The following TAFA5 variants were observed in gnomAD, a reference collection of about 807,000 sequenced individuals.
TAFA5 encodes chemokine-like protein TAFA-5.
In TAFA5, 6 loss-of-function variants were observed where a neutral mutation model predicts 15.3. The observed-to-expected ratio is 0.39, with a 90% CI of 0.21 to 0.77. The LOEUF (loss-of-function observed/expected upper bound fraction) is 0.77, where lower values mean the gene tolerates loss of function less well. Ranked by LOEUF, TAFA5 falls within the 30% of genes least tolerant of loss-of-function variation. The pLI is 0.41. For missense variants in TAFA5, 161 were observed against 193.1 expected (o/e 0.83, Z 0.98); for synonymous variants, 103 against 80.7 (o/e 1.28, Z -1.48).
chr22:48,508,468 G>A (rs949465985), intron 1 of TAFA5, among the ~76,000 whole-genome samples: 26 of 152,156 alleles, frequency 1.7e-4, no homozygotes, highest in African/African-American at 5.3e-4. Flanking sequence ...AATGAACGGC[G>A]CCATATGAGG....
chr22:48,516,683 C>A (rs1392041927), intron 1 of TAFA5, among the ~76,000 whole-genome samples: 2 of 152,234 alleles, frequency 1.3e-5, no homozygotes, highest in East Asian at 3.9e-4. Context: ...TGGCTCAGGA[C>A]AGGGGTGGCC....
chr22:48,692,783 C>T (rs1331371797), intron 2 of TAFA5, among the ~76,000 whole-genome samples: 3 of 152,166 alleles, frequency 2.0e-5, no homozygotes, highest in Admixed American at 1.3e-4. Flanking sequence ...ATACGAGGGG[C>T]GTGTTCCCAG....
At chr22:48,637,866 C>G (rs147637952) in intron 1 of TAFA5, among the ~76,000 whole-genome samples, 1 of 152,014 alleles carries the variant, frequency 6.6e-6, no homozygotes, top group Admixed American at 6.6e-5. Context: ...TTTCTCCTTC[C>G]GGTTTATGAA....
At chr22:48,564,865 C>T (rs1040132808) in intron 1 of TAFA5, among the ~76,000 whole-genome samples, 2 of 152,228 alleles carry the variant, frequency 1.3e-5, no homozygotes, top group Non-Finnish European at 2.9e-5. Context: ...TGGGTGCCTT[C>T]GGTGCCACGC....
chr22:48,713,975 G>A (rs1470932390), intron 3 of TAFA5, among the ~76,000 whole-genome samples: 1 of 152,250 alleles, frequency 6.6e-6, no homozygotes, highest in Non-Finnish European at 1.5e-5. Flanking sequence ...CGTGAAGAAG[G>A]AGGTGTCAAC....
At chr22:48,653,535 T>C (rs1076787) in intron 2 of TAFA5, among the ~76,000 whole-genome samples, 98,538 of 152,042 alleles carry the variant, frequency 0.65, 32,686 homozygotes, top group South Asian at 0.77. Flanking sequence ...GGCGTGAGGG[T>C]ACAATGGCAA....
intron 2 of TAFA5, among the ~76,000 whole-genome samples, chr22:48,647,241 A>G (rs375680048): frequency 6.6e-6 from 1 of 152,256 alleles, no homozygotes; most frequent in African/African-American, 2.4e-5. Context: ...CTCTGAGCAC[A>G]TGCAGATGAG....
At chr22:48,509,345 G>A (rs1411590606) in intron 1 of TAFA5, among the ~76,000 whole-genome samples, 1 of 152,176 alleles carries the variant, frequency 6.6e-6, no homozygotes, top group Non-Finnish European at 1.5e-5. Context: ...ATTGCTAGAT[G>A]AGGGCGTAGG....
At position 48,639,172 on chromosome 22, in the gene TAFA5, G is replaced by A. The variant is rs573265274; in HGVS notation, c.113-7425G>A. Among the ~76,000 whole-genome samples, 16 of 152,292 alleles carry A rather than the reference G, an allele frequency of 1.1e-4. No individual in the cohort carries two copies. In the South Asian group the frequency reaches 2.9e-3, roughly 28 times the overall value. On this transcript the variant is annotated intron_variant, in intron 1 of 3. Coordinates refer to ENST00000402357, the MANE Select transcript of TAFA5 (RefSeq NM_001082967.3). ...AGGCTGGTGTGTGAGCACTCCCTAC[G>A]GGAACTCTGGGCGGCCCCACGGCGC... is the stretch of plus-strand genomic sequence containing the variant.
rs772565616 is a variant in TAFA5, at chr22:48,646,674, C to T, written c.190C>T (p.Gln64Ter). 6.2e-7 allele frequency: 1 copy of T among 1,611,604 alleles called. No homozygotes were observed. ...CCAGCCTCGGAGGACGATCGCCCGG[C>T]AGACCGCCCGCTGTGCGTGTAGAAA... The part of the protein sequence containing the change: ...SSQPRRTIAR[Q>*]TARCACRKGQ... The change falls in exon 2 of 4, where the codon CAG (glutamine) becomes TAG (stop). Residue 64 changes from glutamine (Q) to a stop codon, truncating the protein, a stop_gained. Transcript: ENST00000402357. LOFTEE classifies it high-confidence loss of function.
At chr22:48,557,555 G>A (rs1923083573) in intron 1 of TAFA5, among the ~76,000 whole-genome samples, 1 of 152,194 alleles carries the variant, frequency 6.6e-6, no homozygotes, top group Non-Finnish European at 1.5e-5. Flanking sequence ...AGGTGACCAC[G>A]GCGGCTCCTT....
chr22:48,712,697 G>A (rs914673175), intron 3 of TAFA5, among the ~76,000 whole-genome samples: 2 of 152,180 alleles, frequency 1.3e-5, no homozygotes, highest in Non-Finnish European at 2.9e-5. Context: ...CCCTGGGTGG[G>A]TGTTTCAGGT....
chr22:48,725,668 C>A (rs1929693277), intron 3 of TAFA5, among the ~76,000 whole-genome samples: 1 of 133,756 alleles, frequency 7.5e-6, no homozygotes, highest in African/African-American at 2.8e-5. Flanking sequence ...AATATAACTG[C>A]AGAAAATCAA....
At chr22:48,593,189 G>A (rs534989817) in intron 1 of TAFA5, among the ~76,000 whole-genome samples, 15 of 152,326 alleles carry the variant, frequency 9.8e-5, no homozygotes, top group African/African-American at 3.1e-4. Flanking sequence ...TCCTGAGGCC[G>A]AGGCCAGCCC....
intron 2 of TAFA5, among the ~76,000 whole-genome samples, chr22:48,666,432 A>G (rs5771921): frequency 0.85 from 129,489 of 151,808 alleles, 55,805 homozygotes; most frequent in East Asian, 1. Context: ...CTCCCACCAC[A>G]GGACACCATC....
chr22:48,580,713 C>T (rs909352782), intron 1 of TAFA5, among the ~76,000 whole-genome samples: 4 of 152,194 alleles, frequency 2.6e-5, no homozygotes, highest in Admixed American at 6.5e-5. Flanking sequence ...ATGCTTACGG[C>T]CAGCTGTGCC....
intron 1 of TAFA5, among the ~76,000 whole-genome samples, chr22:48,617,052 C>T (rs1925634188): frequency 6.6e-6 from 1 of 152,182 alleles, no homozygotes. Flanking sequence ...TGTGCAGACC[C>T]AGCGTGTGGT....
At chr22:48,568,880 G>C (rs1923491536) in intron 1 of TAFA5, among the ~76,000 whole-genome samples, 1 of 152,228 alleles carries the variant, frequency 6.6e-6, no homozygotes, top group Admixed American at 6.5e-5. Flanking sequence ...TCTGGGGCTG[G>C]GGTGGGGGAC....
intron 1 of TAFA5, among the ~76,000 whole-genome samples, chr22:48,532,044 G>T (rs1338002470): frequency 6.6e-6 from 1 of 152,234 alleles, no homozygotes; most frequent in Non-Finnish European, 1.5e-5. Flanking sequence ...TCCAGAGGAA[G>T]GTGGGTGGCT....
Sources: allele counts gnomAD v4.1 joint callset (sites outside exome capture counted in the v4.1 genomes callset), GRCh38; gene constraint gnomAD v4.1.1; transcripts MANE v1.5; gene names NCBI Gene and HGNC (gene_info 2026-07-23, HGNC 2026-07-21).